Variants in DISC1 observed in about 807,000 individuals in gnomAD.
The protein encoded by DISC1 is DISC1 scaffold protein.
In DISC1, 57 loss-of-function variants were observed where a neutral mutation model predicts 84.5. The observed-to-expected ratio is 0.67, with a 90% CI of 0.55 to 0.84. The LOEUF (loss-of-function observed/expected upper bound fraction) is 0.84, where lower values mean the gene tolerates loss of function less well. DISC1 is among the 40% of genes least tolerant of loss of function. The probability of loss-of-function intolerance (pLI) is 0.00; values close to 1 mark genes in which losing one functional copy is unlikely to be tolerated. For missense variants in DISC1, 1,000 were observed against 1,057.8 expected (o/e 0.95, Z 0.76); for synonymous variants, 411 against 415.2 (o/e 0.99, Z 0.12).
intron 9 of DISC1, among the ~76,000 whole-genome samples, chr1:231,920,730 G>A (rs984247540): frequency 6.6e-6 from 1 of 151,996 alleles, no homozygotes; most frequent in Non-Finnish European, 1.5e-5. Flanking sequence ...TATGACCACT[G>A]GTGCATAGGA....
intron 6 of DISC1, among the ~76,000 whole-genome samples, chr1:231,785,249 G>T (rs1485337387): frequency 1.9e-5 from 1 of 53,188 alleles, no homozygotes; most frequent in East Asian, 4.4e-4. Flanking sequence ...GTGTGTGTGT[G>T]TGTGTTATTT....
Position 231,885,710 on chromosome 1 carries a change from G to T in DISC1, c.1981+67193G>T, listed in dbSNP as rs531591072. ...TCAGTCCTGTGGATATGCATTTCAT[G>T]AATGAGACTCTGAGGAATTTTCTAA... is the stretch of plus-strand genomic sequence containing the variant. On this transcript the variant is annotated intron_variant, in intron 9 of 12. Coordinates refer to ENST00000439617, the MANE Select transcript of DISC1 (RefSeq NM_018662.3). 3.3e-5 allele frequency among the ~76,000 whole-genome samples: 5 copies of T among 152,320 alleles called. No homozygotes were observed. The South Asian group carries it at 1.0e-3, about 32-fold the overall frequency.
At chr1:231,742,544 A>G (rs980590403) in intron 3 of DISC1, among the ~76,000 whole-genome samples, 2 of 152,164 alleles carry the variant, frequency 1.3e-5, no homozygotes, top group Admixed American at 1.3e-4. Context: ...AGGCCGAGGC[A>G]GGAAGATCAC....
intron 11 of DISC1, among the ~76,000 whole-genome samples, chr1:232,012,469 G>T (rs1301589286): frequency 6.6e-6 from 1 of 152,120 alleles, no homozygotes; most frequent in Non-Finnish European, 1.5e-5. Flanking sequence ...TTGAAGTCTG[G>T]GTACTTTGCA....
At position 231,835,411 on chromosome 1, in the gene DISC1, G is replaced by A. The variant is rs374080171; in HGVS notation, c.1981+16894G>A. 9.2e-5 allele frequency among the ~76,000 whole-genome samples: 14 copies of A among 152,130 alleles called. 1 individual carries two copies. The East Asian group carries it at 1.2e-3, about 13-fold the overall frequency. ...AAAGGAAAATTACAGTCAAAGGGGG[G>A]TTGTTCTTTGGCGGGCAGGAGTGGG... On this transcript the variant is annotated intron_variant, in intron 9 of 12. Coordinates refer to ENST00000439617, the MANE Select transcript of DISC1 (RefSeq NM_018662.3).
intron 9 of DISC1, among the ~76,000 whole-genome samples, chr1:231,884,977 G>A (rs1206479829): frequency 6.6e-6 from 1 of 151,990 alleles, no homozygotes; most frequent in African/African-American, 2.4e-5. Flanking sequence ...TTGTCCTTCC[G>A]TGTTCCACCT....
At chr1:231,958,930 C>A in intron 10 of DISC1, 42 bp downstream of exon 10, 2 of 1,570,738 alleles carry the variant, frequency 1.3e-6, no homozygotes, top group South Asian at 2.5e-5. Context: ...CGTAGCACAT[C>A]TAGATTCTTT....
At chr1:231,839,734 T>TA (rs1327449010) in intron 9 of DISC1, among the ~76,000 whole-genome samples, 8 of 152,288 alleles carry the variant, frequency 5.3e-5, no homozygotes, top group African/African-American at 1.7e-4. Context: ...GTACATGAAA[T>TA]ATAGTGCTGC....
At chr1:231,750,446 C>T in intron 4 of DISC1, 3 of 1,013,428 alleles carry the variant, frequency 3.0e-6, no homozygotes, top group Non-Finnish European at 3.5e-6. Flanking sequence ...CAGATGGTCC[C>T]CTCTGACCGA....
At chr1:231,765,294 G>C (rs563018990) in intron 4 of DISC1, among the ~76,000 whole-genome samples, 1 of 150,770 alleles carries the variant, frequency 6.6e-6, no homozygotes, top group Non-Finnish European at 1.5e-5. Flanking sequence ...TGCCCAGGTT[G>C]GTCTCAAATT....
At position 231,722,718 on chromosome 1, in the gene DISC1, T is replaced by G. The variant is rs543577883; in HGVS notation, c.1117+20694T>G. The stretch of plus-strand genomic sequence containing the variant: ...GACCCACGTGGAAGAATACGCTCAT[T>G]TATGATCAGGGTAGCATCATATTCC... On this transcript the variant is annotated intron_variant, in intron 3 of 12. Coordinates refer to ENST00000439617, the MANE Select transcript of DISC1 (RefSeq NM_018662.3). The G allele has an allele frequency of 1.4e-4, 226 of 1,559,174 alleles. 3 individuals are homozygous for G. The South Asian group carries it at 2.5e-3, about 17-fold the overall frequency.
At chr1:231,759,538 A>AC (rs967987739) in intron 4 of DISC1, among the ~76,000 whole-genome samples, 8 of 148,688 alleles carry the variant, frequency 5.4e-5, no homozygotes, top group Non-Finnish European at 8.9e-5. Context: ...AAAAAAAAAA[A>AC]AAAAAAAAAA....
chr1:231,894,597 G>T (rs574819942), intron 9 of DISC1, among the ~76,000 whole-genome samples: 1 of 151,698 alleles, frequency 6.6e-6, no homozygotes, highest in Non-Finnish European at 1.5e-5. Context: ...AAAAAGTTTT[G>T]TTCTGTAGCT....
intron 1 of DISC1, among the ~76,000 whole-genome samples, chr1:231,640,530 T>TTA (rs1200847819): frequency 7.6e-5 from 11 of 144,600 alleles, no homozygotes; most frequent in African/African-American, 2.5e-4. Flanking sequence ...TCCTTGGTAT[T>TTA]TTTTTTTTTT....
At chr1:231,923,136 A>AT (rs2090108463) in intron 9 of DISC1, among the ~76,000 whole-genome samples, 1 of 151,762 alleles carries the variant, frequency 6.6e-6, no homozygotes, top group Non-Finnish European at 1.5e-5. Context: ...ACAAAAAAAA[A>AT]GTTAGCTGGG....
At chr1:231,967,837 A>G (rs1661321979) in intron 10 of DISC1, among the ~76,000 whole-genome samples, 1 of 152,250 alleles carries the variant, frequency 6.6e-6, no homozygotes, top group African/African-American at 2.4e-5. Flanking sequence ...ATAATAATGC[A>G]TAAGCTAAAC....
In DISC1 at chr1:231,819,159, T is replaced by G. The variant is rs142627534; in HGVS notation, c.1981+642T>G. The G allele has an allele frequency of 3.4e-4, 332 of 982,976 alleles. 2 individuals are homozygous for G. The African/African-American group carries it at 5.4e-3, about 16-fold the overall frequency. The allele number at this position is 982,976 out of a possible 1,614,324, so 60.9% of individuals were successfully genotyped here. ...CAGTGCAAATTGAGATGGTAAAAAC[T>G]TATTTCTTAAAAAATGGTTCCTAAA... On this transcript the variant is annotated intron_variant, in intron 9 of 12. Coordinates refer to ENST00000439617, the MANE Select transcript of DISC1 (RefSeq NM_018662.3).
At chr1:231,676,637 A>G (rs1004765450) in intron 1 of DISC1, among the ~76,000 whole-genome samples, 6 of 152,264 alleles carry the variant, frequency 3.9e-5, no homozygotes, top group South Asian at 4.2e-4. Flanking sequence ...TATTCTCCCA[A>G]ATTCCTCAAA....
chr1:231,816,669 T>C (rs1390933179), intron 8 of DISC1, among the ~76,000 whole-genome samples: 2 of 152,242 alleles, frequency 1.3e-5, no homozygotes, highest in African/African-American at 2.4e-5. Flanking sequence ...GAAAATACTT[T>C]CTTTTCCTCA....
Sources: gnomAD v4.1 joint callset for allele counts (sites outside exome capture counted in the v4.1 genomes callset) on GRCh38, gnomAD v4.1.1 for gene constraint, MANE v1.5 for transcripts, NCBI Gene and HGNC (gene_info 2026-07-23, HGNC 2026-07-21) for gene names.